IGSF9B: variants seen among roughly 807,000 people sequenced by gnomAD.
IGSF9B encodes protein turtle homolog B.
In IGSF9B, 48 loss-of-function variants were observed where a neutral mutation model predicts 143.7. The observed-to-expected ratio is 0.33, with a 90% confidence interval of 0.26 to 0.42. The LOEUF is 0.42. Ranked by LOEUF, IGSF9B falls within the 20% of genes least tolerant of loss-of-function variation. The pLI is 1.00. For missense variants in IGSF9B, 1,706 were observed against 1,980.0 expected (o/e 0.86, Z 2.63); for synonymous variants, 903 against 833.1 (o/e 1.08, Z -1.44).
At chr11:133,954,065 T>A (rs1241234264) in intron 1 of IGSF9B, among the ~76,000 whole-genome samples, 1 of 152,070 alleles carries the variant, frequency 6.6e-6, no homozygotes, top group Non-Finnish European at 1.5e-5. Flanking sequence ...AAGGGTGGCA[T>A]CTCAAAGTCC....
At chr11:133,952,089 G>C (rs986706413) in intron 1 of IGSF9B, 11 of 454,676 alleles carry the variant, frequency 2.4e-5, no homozygotes, top group African/African-American at 2.2e-4. Flanking sequence ...ACTCCTCCCA[G>C]CTCTGGCGCA....
In IGSF9B at chr11:133,901,831, AAC is replaced by A. The variant is rs1354571422; in HGVS notation, c.*7236_*7237del. ...ACAGACACACCACACCACACACACAAACACACACACACCACACACGCACCACA... is the reference window on the plus strand; with the variant it reads ...ACAGACACACCACACCACACACACAAACACACACACCACACACGCACCACA... On this transcript the variant is annotated 3_prime_UTR_variant, in exon 20 of 20. Coordinates refer to ENST00000533871, the MANE Select transcript of IGSF9B (RefSeq NM_001277285.4). Among the ~76,000 whole-genome samples, 358 of 140,364 alleles carry A rather than the reference AAC, an allele frequency of 2.6e-3. No homozygotes were observed. Among genetic ancestry groups the A allele is most frequent in the African/African-American group, 8.9e-3 (334 of 37,420 alleles). 92.1% of individuals were successfully genotyped at this position (140,364 alleles called of 152,430 possible).
rs1939024351 is a variant in IGSF9B, at chr11:133,896,778, G to A, written c.*12291C>T. 1.3e-5 allele frequency: 2 copies of A among 152,254 alleles called. No individual in the cohort carries two copies. The highest frequency in any genetic ancestry group is 4.8e-5 in the African/African-American group (2 of 41,454). 9.4% of individuals were successfully genotyped at this position (152,254 alleles called of 1,614,324 possible). A position where few individuals can be genotyped will look rare whatever the true frequency, so the allele number is the denominator to read the frequency against. On this transcript the variant is annotated 3_prime_UTR_variant, in exon 20 of 20. Coordinates refer to ENST00000533871, the MANE Select transcript of IGSF9B (RefSeq NM_001277285.4). The stretch of plus-strand genomic sequence containing the variant: ...CAGGCTGCAGGTTCTCTTCCTGACT[G>A]AGTCTGGGGTGTCACTCCATTTTTG...
chr11:133,929,323 G>A (rs1744340758), intron 12 of IGSF9B, among the ~76,000 whole-genome samples: 1 of 152,204 alleles, frequency 6.6e-6, no homozygotes, highest in Admixed American at 6.5e-5. Flanking sequence ...TTAAGGCTGG[G>A]CAATTTCACA....
At chr11:133,933,880 C>G (rs573798658) in intron 7 of IGSF9B, among the ~76,000 whole-genome samples, 2 of 152,072 alleles carry the variant, frequency 1.3e-5, no homozygotes, top group Non-Finnish European at 1.5e-5. Context: ...GATGAATGAG[C>G]TGGTATCTTT....
At chr11:133,922,306 G>T in intron 16 of IGSF9B, 84 bp from the exon 17 acceptor site, 1 of 1,273,106 alleles carries the variant, frequency 7.9e-7, no homozygotes, top group Admixed American at 1.9e-5. Context: ...TGACAGAGCC[G>T]GAGCACCACC....
chr11:133,949,787 G>C (rs746282563), intron 1 of IGSF9B, among the ~76,000 whole-genome samples: 7 of 152,016 alleles, frequency 4.6e-5, no homozygotes, highest in Non-Finnish European at 1.0e-4. Context: ...GGAGTGTGCT[G>C]AGCCCCTCTC....
Position 133,921,349 on chromosome 11 carries a change from C to T in IGSF9B, c.2376G>A (p.Ala792=), listed in dbSNP as rs746394518. 3.0e-5 allele frequency: 48 copies of T among 1,577,110 alleles called. No individual in the cohort carries two copies. The highest frequency in any genetic ancestry group is 3.8e-5 in the Non-Finnish European group (44 of 1,161,138). ...VSPESIRTLR[A]PSESSDDQGQ... ...CCTGGTCGTCGGAGGATTCTGACGG[C>T]GCTCGGAGCGTGCGGATGCTCTCGG... Residue 792 remains alanine (A), a synonymous_variant, in exon 18 of 20, where the codon GCG becomes GCA. Transcript: ENST00000533871.
Position 133,927,073 on chromosome 11 carries a change from A to G in IGSF9B, c.1650T>C (p.Phe550=). 1.9e-6 allele frequency: 3 copies of G among 1,558,638 alleles called. No individual in the cohort carries two copies. Among genetic ancestry groups the G allele is most frequent in the Non-Finnish European group, 2.6e-6 (3 of 1,150,932 alleles). ...GCAAGGACAGCCAGTCATGGGGCCC[A>G]AACTGTGCCCGCTTCATCCTGGCCA... ...TFSVWMKRAQ[F]GPHDWLSLPV... Residue 550 remains phenylalanine, a synonymous_variant, in exon 13 of 20, where the codon TTT becomes TTC. Transcript: ENST00000533871.
intron 18 of IGSF9B, chr11:133,919,122 G>GC (rs765176010): frequency 2.7e-5 from 10 of 371,178 alleles, no homozygotes; most frequent in South Asian, 5.5e-5. Flanking sequence ...GGTATACGGG[G>GC]GGGGGGTGGG....
Position 133,905,177 on chromosome 11 carries a change from C to T in IGSF9B, c.*3892G>A, listed in dbSNP as rs976000595. ...AAGCAAGCCCAAGATTAACCATTAGCTTTTCTTTTCCTAGGTTTCTCTACA... is the reference window on the plus strand; with the variant it reads ...AAGCAAGCCCAAGATTAACCATTAGTTTTTCTTTTCCTAGGTTTCTCTACA... On this transcript the variant is annotated 3_prime_UTR_variant, in exon 20 of 20. Transcript: ENST00000533871. This position sits in a 1 kb window ranked among gnomAD's most constrained non-coding sequence, Gnocchi z 4.0. Among the ~76,000 whole-genome samples the T allele has an allele frequency of 6.6e-6, 1 of 152,032 alleles. No individual in the cohort carries two copies. The highest frequency in any genetic ancestry group is 6.6e-5 in the Admixed American group (1 of 15,252).
At chr11:133,946,396 T>TACGGTGG in intron 1 of IGSF9B, 138 bp from the exon 2 acceptor site, 1 of 691,836 alleles carries the variant, frequency 1.4e-6, no homozygotes, top group Non-Finnish European at 2.5e-6. Flanking sequence ...CCCAGGAGGG[T>TACGGTGG]CCCAGGCACA....
At position 133,907,990 on chromosome 11, in the gene IGSF9B, G is replaced by C. The variant is rs950293653; in HGVS notation, c.*1079C>G. Among the ~76,000 whole-genome samples the C allele has an allele frequency of 6.6e-6, 1 of 152,230 alleles. No homozygotes were observed. The highest frequency in any genetic ancestry group is 1.5e-5 in the Non-Finnish European group (1 of 68,042). On this transcript the variant is annotated 3_prime_UTR_variant, in exon 20 of 20. Coordinates refer to ENST00000533871, the MANE Select transcript of IGSF9B (RefSeq NM_001277285.4). ...AATTAGCTCCCACAAAAGCAAAGGAGGATCCAATCAGCCGCTGTGGAACAG... is the reference window on the plus strand; with the variant it reads ...AATTAGCTCCCACAAAAGCAAAGGACGATCCAATCAGCCGCTGTGGAACAG...
At position 133,937,907 on chromosome 11, in the gene IGSF9B, C is replaced by A. The variant is rs755746293; in HGVS notation, c.464G>T (p.Gly155Val). 19 of 1,612,668 alleles carry A rather than the reference C, an allele frequency of 1.2e-5. 1 individual carries two copies. The South Asian group carries it at 2.1e-4, about 18-fold the overall frequency. Reference sequence around the variant, plus strand: ...AGCTGTGCAGGTCATGGTGATACTACCACCCTCCTTGGCCTCGATGTACTG... The same window carrying A: ...AGCTGTGCAGGTCATGGTGATACTAACACCCTCCTTGGCCTCGATGTACTG... ...PPQYIEAKEG[G>V]SITMTCTAFG... Residue 155 changes from glycine to valine, a missense_variant, in exon 4 of 20, where the codon GGT becomes GTT. Physicochemically the swap from Gly to Val is moderately radical, Grantham distance 109 (BLOSUM62 -3). This residue lies in a region of IGSF9B where 171 missense variants were observed against 213.9 expected (regional missense o/e 0.80). Coordinates refer to ENST00000533871, the MANE Select transcript of IGSF9B (RefSeq NM_001277285.4).
At chr11:133,919,636 G>A (rs570276868) in intron 18 of IGSF9B, 106 bp downstream of exon 18, 73 of 759,432 alleles carry the variant, frequency 9.6e-5, no homozygotes, top group Admixed American at 4.9e-4. Flanking sequence ...CGGCATGTCC[G>A]CACGAGCCCT....
chr11:133,919,978 T>C lies in IGSF9B; in HGVS notation c.3747A>G (p.Arg1249=), dbSNP rs1939484680. 6.3e-7 allele frequency: 1 copy of C among 1,575,364 alleles called. No homozygotes were observed. The highest frequency in any genetic ancestry group is 1.9e-5 in the Admixed American group (1 of 53,028). Residue 1249 remains arginine, a synonymous_variant, in exon 18 of 20, where the codon CGA becomes CGG. Coordinates refer to ENST00000533871, the MANE Select transcript of IGSF9B (RefSeq NM_001277285.4). ...GGGAGCCTGTGGACGGCGTAGACTT[T>C]CGAGAAAAGCTGACTGCAGCCGGCG... ...LQPPAAVSFS[R]KSTPSTGSPS...
At chr11:133,936,962 C>T (rs547339891) in intron 5 of IGSF9B, among the ~76,000 whole-genome samples, 1 of 152,350 alleles carries the variant, frequency 6.6e-6, no homozygotes, top group South Asian at 2.1e-4. Context: ...TGCCAAATGC[C>T]CACTGTGTTA....
In IGSF9B at chr11:133,922,686, G is replaced by A. The variant is rs759598930; in HGVS notation, c.2164C>T (p.Pro722Ser). ...PDLTEDGLAR[P>S]VLAGIVATIC... The stretch of plus-strand genomic sequence containing the variant: ...GTAGCTACGATTCCCGCCAGCACAG[G>A]CCGCGCCAGCCCATCCTCGGTCAGG... Residue 722 changes from proline (P) to serine (S), a missense_variant, in exon 16 of 20, where the codon CCT becomes TCT. Around this residue, in one of 7 missense-constraint regions of IGSF9B, gnomAD observed 267 missense variants for 321.1 expected, o/e 0.83. Coordinates refer to ENST00000533871, the MANE Select transcript of IGSF9B (RefSeq NM_001277285.4). 1 of 1,587,854 alleles carries A rather than the reference G, an allele frequency of 6.3e-7. No homozygotes were observed. Among genetic ancestry groups the A allele is most frequent in the Non-Finnish European group, 8.6e-7 (1 of 1,168,104 alleles).
intron 14 of IGSF9B, 39 bp downstream of exon 14, chr11:133,925,679 CTAGAGTCTTGTCGCTTCCCGG>C: frequency 6.9e-7 from 1 of 1,454,746 alleles, no homozygotes; most frequent in Non-Finnish European, 9.5e-7. Flanking sequence ...TCCAGTGCCT[CTAGAGTCTTGTCGCTTCCCGG>C]ATTTGGGAAG....
Sources: gnomAD v4.1 joint callset for allele counts (sites outside exome capture counted in the v4.1 genomes callset) on GRCh38, gnomAD v4.1.1 for gene constraint, gnomAD v4.1.1 regional missense constraint, Gnocchi (gnomAD v3.1) non-coding constraint, MANE v1.5 for transcripts, NCBI Gene and HGNC (gene_info 2026-07-23, HGNC 2026-07-21) for gene names.